The following PCDHGA4 variants were observed in gnomAD, a reference collection of about 807,000 sequenced individuals.
The protein encoded by PCDHGA4 is protocadherin gamma-A4.
PCDHGA4 carries 38 observed loss-of-function variants against 54.6 expected under a neutral mutation model. The ratio of observed to expected loss-of-function variants is 0.70; its 90% CI spans 0.54 to 0.91. The LOEUF is 0.91. PCDHGA4 is among the 40% of genes least tolerant of loss of function. PCDHGA4 has a pLI of 0.00. For synonymous variants in PCDHGA4, 511 were observed against 512.9 expected (o/e 1.00, Z 0.05); for missense variants, 1,298 against 1,220.9 (o/e 1.06, Z -0.94).
intron 1 of PCDHGA4, chr5:141,393,748 G>A (rs368249829): frequency 1.2e-6 from 2 of 1,613,866 alleles, no homozygotes; most frequent in Non-Finnish European, 8.5e-7. Flanking sequence ...TATGAAGAAT[G>A]TTCATTTTAT....
At chr5:141,471,217 T>G (rs2099252724) in intron 1 of PCDHGA4, 1 of 151,568 alleles carries the variant, frequency 6.6e-6, no homozygotes, top group South Asian at 2.1e-4. Context: ...GCCTGGCAAT[T>G]TTTTTGTATT....
intron 1 of PCDHGA4, chr5:141,419,543 G>A (rs573594140): frequency 2.5e-5 from 40 of 1,612,106 alleles, no homozygotes; most frequent in African/African-American, 2.0e-4. Context: ...CGCACCGCGG[G>A]TGCTGTACCC....
At position 141,486,460 on chromosome 5, in the gene PCDHGA4, T is replaced by A. The variant is rs1218788640; in HGVS notation, c.2515-8347T>A. 6.2e-7 allele frequency: 1 copy of A among 1,614,146 alleles called. No individual in the cohort carries two copies. Among genetic ancestry groups the A allele is most frequent in the South Asian group, 1.1e-5 (1 of 91,082 alleles). On this transcript the variant is annotated intron_variant, in intron 1 of 3. Coordinates refer to ENST00000571252, the MANE Select transcript of PCDHGA4 (RefSeq NM_018917.4). The surrounding 1 kb of genome is among the most constrained non-coding windows in gnomAD (Gnocchi z 5.0). Reference sequence around the variant, plus strand: ...ATGACATCATGGTCACTGCTTCTGATGCTGGGAACCCTCCTCTCAGTACCC... The same window carrying A: ...ATGACATCATGGTCACTGCTTCTGAAGCTGGGAACCCTCCTCTCAGTACCC...
chr5:141,458,350 A>C (rs1259508706), intron 1 of PCDHGA4, among the ~76,000 whole-genome samples: 1 of 152,162 alleles, frequency 6.6e-6, no homozygotes, highest in East Asian at 1.9e-4. Flanking sequence ...GGAGAGTTTA[A>C]TAAGCAAGAA....
intron 1 of PCDHGA4, chr5:141,390,870 G>A (rs1003231489): frequency 2.2e-5 from 3 of 134,656 alleles, no homozygotes; most frequent in African/African-American, 9.4e-5. Context: ...GTGTGTGCGT[G>A]TGTGTGTGTG....
chr5:141,484,024 A>G (rs769415978), intron 1 of PCDHGA4, among the ~76,000 whole-genome samples: 14 of 150,914 alleles, frequency 9.3e-5, no homozygotes, highest in Non-Finnish European at 1.6e-4. Flanking sequence ...GTGGGGTGAG[A>G]TCAAGTCTCC....
intron 1 of PCDHGA4, chr5:141,357,870 A>G (rs1760750404): frequency 3.6e-6 from 2 of 550,968 alleles, no homozygotes; most frequent in African/African-American, 1.9e-5. Flanking sequence ...TAATTTTACA[A>G]CTCTGAGCCA....
At chr5:141,460,067 G>T (rs1168161575) in intron 1 of PCDHGA4, among the ~76,000 whole-genome samples, 1 of 151,996 alleles carries the variant, frequency 6.6e-6, no homozygotes, top group Non-Finnish European at 1.5e-5. Flanking sequence ...AACAGAGTGA[G>T]ACTTCATCTA....
chr5:141,509,273 C>T (rs1026035086), intron 3 of PCDHGA4, among the ~76,000 whole-genome samples: 1 of 152,098 alleles, frequency 6.6e-6, no homozygotes, highest in Admixed American at 6.5e-5. Flanking sequence ...CTCTCGCTAC[C>T]CGCTCCCAGG....
intron 1 of PCDHGA4, chr5:141,410,284 G>A (rs2095374455): frequency 1.2e-6 from 2 of 1,613,990 alleles, no homozygotes; most frequent in Non-Finnish European, 1.7e-6. Flanking sequence ...ACCTGGTGGT[G>A]GCCTTGGCCT....
At chr5:141,492,495 G>A (rs750427038) in intron 1 of PCDHGA4, among the ~76,000 whole-genome samples, 65 of 152,186 alleles carry the variant, frequency 4.3e-4, no homozygotes, top group Non-Finnish European at 6.0e-4. Context: ...ACCAGGCGAG[G>A]ACTCCGGAGC....
intron 1 of PCDHGA4, chr5:141,413,373 C>T (rs1421093311): frequency 1.2e-6 from 2 of 1,613,946 alleles, no homozygotes; most frequent in Non-Finnish European, 1.7e-6. Flanking sequence ...TGGCGGAGCG[C>T]GGAGTCCGCA....
chr5:141,419,398 G>A (rs2096375486), intron 1 of PCDHGA4: 7 of 1,613,572 alleles, frequency 4.3e-6, no homozygotes, highest in Non-Finnish European at 5.1e-6. Flanking sequence ...AGAGCGGGGT[G>A]GTGTTCGCGC....
At chr5:141,419,739 G>A (rs200899065) in intron 1 of PCDHGA4, 179 of 1,613,652 alleles carry the variant, frequency 1.1e-4, no homozygotes, top group Admixed American at 2.5e-4. Context: ...GGCGAGGTGC[G>A]CATGGTGCGT....
At position 141,511,262 on chromosome 5, in the gene PCDHGA4, G is replaced by A; in HGVS notation, c.*89G>A. 1 of 1,556,036 alleles carries A rather than the reference G, an allele frequency of 6.4e-7. No individual in the cohort carries two copies. The highest frequency in any genetic ancestry group is 8.7e-7 in the Non-Finnish European group (1 of 1,150,444). On this transcript the variant is annotated 3_prime_UTR_variant, in exon 4 of 4. Transcript: ENST00000571252. ...TGCACCCAGGCCTCAGAGTTTCAGG[G>A]CTAACCCCCAGAATACTGGTAGGGG...
chr5:141,362,571 A>G (rs751216494), intron 1 of PCDHGA4: 2 of 1,606,352 alleles, frequency 1.2e-6, no homozygotes, highest in Non-Finnish European at 1.7e-6. Flanking sequence ...GCTTTAATTA[A>G]TTTATTTTCA....
At position 141,511,241 on chromosome 5, in the gene PCDHGA4, C is replaced by T; in HGVS notation, c.*68C>T. On this transcript the variant is annotated 3_prime_UTR_variant, in exon 4 of 4. Transcript: ENST00000571252. ...CCAGCCCAGCTTCTCCTTACCTGCA[C>T]CCAGGCCTCAGAGTTTCAGGGCTAA... The T allele has an allele frequency of 2.5e-6, 4 of 1,585,214 alleles. No individual in the cohort carries two copies. Among genetic ancestry groups the T allele is most frequent in the Non-Finnish European group, 3.4e-6 (4 of 1,165,762 alleles).
intron 1 of PCDHGA4, among the ~76,000 whole-genome samples, chr5:141,380,119 C>G (rs1776230569): frequency 6.6e-6 from 1 of 151,916 alleles, no homozygotes; most frequent in Non-Finnish European, 1.5e-5. Flanking sequence ...AGGCTGGTCT[C>G]AAACTCCTGA....
chr5:141,437,728 A>T (rs1236819934), intron 1 of PCDHGA4, among the ~76,000 whole-genome samples: 1 of 150,908 alleles, frequency 6.6e-6, no homozygotes, highest in Non-Finnish European at 1.5e-5. Context: ...CTAATGTTAC[A>T]CTTTGAGTTC....
Sources: gnomAD v4.1 joint callset for allele counts (sites outside exome capture counted in the v4.1 genomes callset) on GRCh38, gnomAD v4.1.1 for gene constraint, Gnocchi (gnomAD v3.1) non-coding constraint, MANE v1.5 for transcripts, NCBI Gene and HGNC (gene_info 2026-07-23, HGNC 2026-07-21) for gene names.